ADGRB3: variants seen among roughly 807,000 people sequenced by gnomAD.
ADGRB3 encodes the protein adhesion G protein-coupled receptor B3.
Under a neutral mutation model 193.4 loss-of-function variants are expected in ADGRB3, and 37 were observed. The observed-to-expected ratio is 0.19, with a 90% confidence interval of 0.15 to 0.25. The LOEUF (loss-of-function observed/expected upper bound fraction) is 0.25. Ranked by LOEUF, ADGRB3 falls within the 10% of genes least tolerant of loss-of-function variation. ADGRB3 has a pLI of 1.00. For synonymous variants in ADGRB3, 690 were observed against 644.2 expected (o/e 1.07, Z -1.08); for missense variants, 1,637 against 1,852.9 (o/e 0.88, Z 2.14).
intron 17 of ADGRB3, among the ~76,000 whole-genome samples, chr6:69,164,413 A>C (rs1220339906): frequency 6.6e-6 from 1 of 152,132 alleles, no homozygotes; most frequent in Non-Finnish European, 1.5e-5. Flanking sequence ...ATGACTAAAA[A>C]CATGTAGAAT....
At chr6:69,096,767 G>A (rs1772890539) in intron 17 of ADGRB3, among the ~76,000 whole-genome samples, 1 of 152,194 alleles carries the variant, frequency 6.6e-6, no homozygotes, top group Non-Finnish European at 1.5e-5. Context: ...CACTGTAGAA[G>A]ATGACAATAC....
intron 3 of ADGRB3, among the ~76,000 whole-genome samples, chr6:68,738,192 G>T (rs1765908676): frequency 6.6e-6 from 1 of 152,124 alleles, no homozygotes; most frequent in Non-Finnish European, 1.5e-5. Context: ...TGGAGGAAAT[G>T]CAGGAAAGCC....
At chr6:68,912,828 G>A (rs187940861) in intron 3 of ADGRB3, among the ~76,000 whole-genome samples, 5 of 152,180 alleles carry the variant, frequency 3.3e-5, no homozygotes, top group African/African-American at 7.2e-5. Context: ...GGTGACAGAC[G>A]GCACCTGGAA....
At chr6:69,362,499 A>T (rs560355882) in intron 29 of ADGRB3, among the ~76,000 whole-genome samples, 2 of 151,964 alleles carry the variant, frequency 1.3e-5, no homozygotes, top group Admixed American at 1.3e-4. Context: ...ATGAAGAGGC[A>T]TTCTGAGAGT....
chr6:69,042,401 A>C (rs897900932), intron 13 of ADGRB3, among the ~76,000 whole-genome samples: 3 of 152,216 alleles, frequency 2.0e-5, no homozygotes, highest in African/African-American at 7.2e-5. Context: ...AAATGAATGA[A>C]GATTACCAGA....
chr6:69,201,281 C>T (rs1765412085), intron 17 of ADGRB3, among the ~76,000 whole-genome samples: 1 of 152,074 alleles, frequency 6.6e-6, no homozygotes, highest in Non-Finnish European at 1.5e-5. Flanking sequence ...TGCTGCCTCC[C>T]CTCTCTCCCC....
chr6:68,858,899 T>G (rs1356960023), intron 3 of ADGRB3, among the ~76,000 whole-genome samples: 1 of 152,206 alleles, frequency 6.6e-6, no homozygotes, highest in Non-Finnish European at 1.5e-5. Context: ...ATCTCTCACA[T>G]GCCCTTGAGA....
chr6:69,025,473 T>C (rs111429087), intron 13 of ADGRB3, among the ~76,000 whole-genome samples: 2 of 152,162 alleles, frequency 1.3e-5, no homozygotes, highest in African/African-American at 4.8e-5. Context: ...TCATTAAAAA[T>C]GAGACACTTG....
intron 3 of ADGRB3, among the ~76,000 whole-genome samples, chr6:68,675,217 T>A (rs1477310536): frequency 6.6e-6 from 1 of 152,158 alleles, no homozygotes; most frequent in Non-Finnish European, 1.5e-5. Flanking sequence ...TAGACATATT[T>A]ACATCACCTC....
chr6:69,091,322 A>G (rs969875242), intron 17 of ADGRB3, among the ~76,000 whole-genome samples: 4 of 152,260 alleles, frequency 2.6e-5, no homozygotes, highest in Non-Finnish European at 5.9e-5. Context: ...TCATTTTATT[A>G]TAAAAACACA....
At chr6:69,348,944 T>C (rs1313538320) in intron 26 of ADGRB3, among the ~76,000 whole-genome samples, 1 of 152,264 alleles carries the variant, frequency 6.6e-6, no homozygotes, top group Non-Finnish European at 1.5e-5. Context: ...AACTATCTTA[T>C]GCTTTGTTCA....
chr6:68,972,975 G>A lies in ADGRB3; in HGVS notation c.1526-1788G>A, dbSNP rs552914311. Among the ~76,000 whole-genome samples, 385 of 152,276 alleles carry A rather than the reference G, an allele frequency of 2.5e-3. 1 individual carries two copies. Among genetic ancestry groups the A allele is most frequent in the Non-Finnish European group, 3.7e-3 (251 of 68,026 alleles). On this transcript the variant is annotated intron_variant, in intron 8 of 31. Transcript: ENST00000370598. ...TAGATCATTGGTAAGGTTAGGAGGA[G>A]ACAGCTTATGAAAGTGGGGCTGGTG...
At chr6:68,950,240 A>C (rs1249808805) in intron 6 of ADGRB3, among the ~76,000 whole-genome samples, 1 of 152,188 alleles carries the variant, frequency 6.6e-6, no homozygotes, top group Middle Eastern at 3.4e-3. Context: ...TTATTTTTGT[A>C]GCAACACGGT....
At chr6:68,727,465 GTTGA>G (rs903741675) in intron 3 of ADGRB3, among the ~76,000 whole-genome samples, 1 of 151,500 alleles carries the variant, frequency 6.6e-6, no homozygotes, top group Non-Finnish European at 1.5e-5. Context: ...CTTTTTCTTG[GTTGA>G]TTGTTTCTAA....
intron 17 of ADGRB3, among the ~76,000 whole-genome samples, chr6:69,155,053 A>G (rs1240891743): frequency 6.6e-6 from 1 of 152,236 alleles, no homozygotes; most frequent in South Asian, 2.1e-4. Context: ...TTTAAGTAGC[A>G]ATGAAAGTCT....
At chr6:69,176,485 C>A (rs1305711958) in intron 17 of ADGRB3, among the ~76,000 whole-genome samples, 1 of 152,138 alleles carries the variant, frequency 6.6e-6, no homozygotes, top group African/African-American at 2.4e-5. Context: ...AGGAATGAAG[C>A]CTACTTGATC....
At position 69,007,701 on chromosome 6, in the gene ADGRB3, A is replaced by T. The variant is rs976455983; in HGVS notation, c.1930-6337A>T. The stretch of plus-strand genomic sequence containing the variant: ...CTCTCTCTCTCTCTCTCTCACACAC[A>T]CACACACACACACACACACACACAC... On this transcript the variant is annotated intron_variant, in intron 11 of 31. Coordinates refer to ENST00000370598, the MANE Select transcript of ADGRB3 (RefSeq NM_001704.3). 1.9e-3 allele frequency among the ~76,000 whole-genome samples: 261 copies of T among 137,602 alleles called. 2 individuals carry two copies. The highest frequency in any genetic ancestry group is 4.3e-3 in the African/African-American group (133 of 30,916). The allele number at this position is 137,602 out of a possible 152,430, so 90.3% of individuals were successfully genotyped here. A position where few individuals can be genotyped will look rare whatever the true frequency, so the allele number is the denominator to read the frequency against.
chr6:68,743,394 T>C (rs1193435186), intron 3 of ADGRB3, among the ~76,000 whole-genome samples: 1 of 152,028 alleles, frequency 6.6e-6, no homozygotes, highest in Non-Finnish European at 1.5e-5. Flanking sequence ...AGTGGTAGAT[T>C]TGAAAATGTT....
intron 3 of ADGRB3, among the ~76,000 whole-genome samples, chr6:68,688,020 A>G (rs943598860): frequency 6.6e-5 from 10 of 152,168 alleles, no homozygotes; most frequent in Non-Finnish European, 1.5e-4. Flanking sequence ...TGTTATCTCT[A>G]TGTGGCCCTT....
Sources: gnomAD v4.1 joint callset for allele counts (sites outside exome capture counted in the v4.1 genomes callset) on GRCh38, gnomAD v4.1.1 for gene constraint, MANE v1.5 for transcripts, NCBI Gene and HGNC (gene_info 2026-07-23, HGNC 2026-07-21) for gene names.